DUSP15: variants seen among roughly 807,000 people sequenced by gnomAD.
DUSP15 encodes the protein dual specificity protein phosphatase 15.
In DUSP15, 23 loss-of-function variants were observed where a neutral mutation model predicts 26.3. The observed-to-expected ratio is 0.87, with a 90% CI of 0.63 to 1.24. The LOEUF (loss-of-function observed/expected upper bound fraction) is 1.24, where lower values mean the gene tolerates loss of function less well. DUSP15 is among the 50% of genes most tolerant of loss of function. The pLI is 0.00. For synonymous variants in DUSP15, 143 were observed against 135.5 expected, an observed-to-expected ratio of 1.06 and a Z score of -0.39; for missense variants, 364 against 320.6, an observed-to-expected ratio of 1.14 and a Z score of -1.03.
intron 4 of DUSP15, 60 bp from the exon 5 acceptor site, chr20:31,864,041 C>A: frequency 1.2e-6 from 2 of 1,605,302 alleles, no homozygotes; most frequent in Admixed American, 1.7e-5. Context: ...GGAGTTGTTC[C>A]GCCCCCACCC....
rs1005201349 is a variant in DUSP15, at chr20:31,862,542, C to T, written c.435+29G>A. The T allele has an allele frequency of 5.1e-6, 8 of 1,561,232 alleles. No individual in the cohort carries two copies. In the Admixed American group the frequency reaches 1.5e-4, roughly 29 times the overall value. ...GGGAAGAAGGATCTCCCACCCCTGG[C>T]CCAACCCAGCCCTTGACCCCATCCC... On this transcript the variant is annotated intron_variant, in intron 6 of 6. Coordinates refer to ENST00000339738, the MANE Select transcript of DUSP15 (RefSeq NM_080611.5).
rs755633909 is a variant in DUSP15 at position 31,861,504 on chromosome 20, GCGGCACCAGGCGCTGCA to G, written c.590_606del (p.Val197AlafsTer108). Reference sequence around the variant, plus strand: ...GGCCGGTGGGCTTCCCGGGGCGTGCGCGGCACCAGGCGCTGCACGGTTCCCTCGGAGGCTGCTGAGTG... The same window carrying G: ...GGCCGGTGGGCTTCCCGGGGCGTGCGCGGTTCCCTCGGAGGCTGCTGAGTG... On this transcript the variant is annotated frameshift_variant, in exon 7 of 7. Transcript: ENST00000339738. LOFTEE classifies it high-confidence loss of function. The G allele has an allele frequency of 1.4e-4, 212 of 1,528,918 alleles. No homozygotes were observed. The East Asian group carries it at 5.2e-3, about 38-fold the overall frequency. 94.7% of individuals were successfully genotyped at this position (1,528,918 alleles called of 1,614,324 possible).
rs2062723807 is a variant in DUSP15, at chr20:31,864,365, G to T, written c.189-384C>A. ...TGGGCACAATGATGGGCAGCAGCAG[G>T]CTGGGAGCAAGATTCCCAAGGGGCA... On this transcript the variant is annotated intron_variant, in intron 4 of 6. Transcript: ENST00000339738. 8 of 1,057,054 alleles carry T rather than the reference G, an allele frequency of 7.6e-6. No individual in the cohort carries two copies. The South Asian group carries it at 2.7e-4, about 36-fold the overall frequency. The allele number at this position is 1,057,054 out of a possible 1,614,324, so 65.5% of individuals were successfully genotyped here. A position where few individuals can be genotyped will look rare whatever the true frequency, so the allele number is the denominator to read the frequency against.
downstream of DUSP15, among the ~76,000 whole-genome samples, chr20:31,845,820 C>T (rs1376524680): frequency 2.0e-5 from 3 of 152,054 alleles, no homozygotes; most frequent in Non-Finnish European, 4.4e-5. Context: ...ACCCTCAGCC[C>T]ACGTGTGCTG....
In DUSP15 at chr20:31,861,601, C is replaced by G. The variant is rs773098660; in HGVS notation, c.510G>C (p.Pro170=). The change falls in exon 7 of 7, where the codon CCG becomes CCC. Residue 170 remains proline, a synonymous_variant. Transcript: ENST00000339738. ...RDEEELRALL[P]LCKRCRQGSA... ...AGCCCTGCCGGCAGCGCTTGCACAG[C>G]GGCAGCAGCGCGCGCAACTCCTCCT... 3.4e-6 allele frequency: 5 copies of G among 1,476,030 alleles called. No individual in the cohort carries two copies. The highest frequency in any genetic ancestry group is 3.6e-6 in the Non-Finnish European group (4 of 1,119,418). 91.4% of individuals were successfully genotyped at this position (1,476,030 alleles called of 1,614,324 possible).
downstream of DUSP15, among the ~76,000 whole-genome samples, chr20:31,847,398 A>C (rs1488253673): frequency 6.6e-6 from 1 of 152,224 alleles, no homozygotes; most frequent in African/African-American, 2.4e-5. Flanking sequence ...CTGTACCCCC[A>C]GAGTCACACA....
In DUSP15 at chr20:31,870,388, C is replaced by A; in HGVS notation, c.-51G>T. On this transcript the variant is annotated 5_prime_UTR_variant, in exon 1 of 7. Transcript: ENST00000339738. This position sits in a 1 kb window ranked among gnomAD's most constrained non-coding sequence, Gnocchi z 6.6. ...CACCCCCAGCTCGCCGCCCGGGAAGCGATCCGGTCACAGCTGCCCTGACGG... is the reference window on the plus strand; with the variant it reads ...CACCCCCAGCTCGCCGCCCGGGAAGAGATCCGGTCACAGCTGCCCTGACGG... 7.8e-7 allele frequency: 1 copy of A among 1,279,492 alleles called. No individual in the cohort carries two copies. The highest frequency in any genetic ancestry group is 3.2e-5 in the Admixed American group (1 of 31,220). 79.3% of individuals were successfully genotyped at this position (1,279,492 alleles called of 1,614,324 possible). A position where few individuals can be genotyped will look rare whatever the true frequency, so the allele number is the denominator to read the frequency against.
At chr20:31,856,911 G>C (rs2062570517), downstream of DUSP15, among the ~76,000 whole-genome samples, 1 of 152,060 alleles carries the variant, frequency 6.6e-6, no homozygotes, top group Non-Finnish European at 1.5e-5. Flanking sequence ...CAGAGATTCT[G>C]GAAGCCAGAT....
At chr20:31,868,208 T>C (rs1392881359) in intron 2 of DUSP15, among the ~76,000 whole-genome samples, 1 of 152,220 alleles carries the variant, frequency 6.6e-6, no homozygotes, top group African/African-American at 2.4e-5. Flanking sequence ...TGGGGCCAGC[T>C]TCGTGGCTCC....
chr20:31,859,437 T>C (rs1295354691), downstream of DUSP15, among the ~76,000 whole-genome samples: 1 of 152,214 alleles, frequency 6.6e-6, no homozygotes, highest in African/African-American at 2.4e-5. Context: ...CCCCACTCCC[T>C]GCACCTTTGC....
intron 7 of DUSP15, chr20:31,850,505 G>T: frequency 8.5e-7 from 1 of 1,177,228 alleles, no homozygotes; most frequent in Non-Finnish European, 1.2e-6. Context: ...ATTATTGGGA[G>T]CCTGGGCTGG....
At chr20:31,851,630 G>A (rs1248866463) in intron 6 of DUSP15, among the ~76,000 whole-genome samples, 2 of 152,118 alleles carry the variant, frequency 1.3e-5, no homozygotes, top group East Asian at 1.9e-4. Flanking sequence ...CAGGGCTGGA[G>A]CTGGTGCTCT....
At chr20:31,868,709 A>G (rs1338321400) in intron 2 of DUSP15, among the ~76,000 whole-genome samples, 1 of 151,308 alleles carries the variant, frequency 6.6e-6, no homozygotes, top group Non-Finnish European at 1.5e-5. Context: ...CGAACTCCTG[A>G]CCTCAGGTGG....
chr20:31,847,527 T>C (rs1246316347), downstream of DUSP15: 2 of 152,282 alleles, frequency 1.3e-5, no homozygotes, highest in East Asian at 1.9e-4. Flanking sequence ...TTTCCCCCCA[T>C]GAAGGTGGCT....
chr20:31,870,203 C>G lies in DUSP15; in HGVS notation c.21+114G>C. On this transcript the variant is annotated intron_variant, in intron 1 of 6. Transcript: ENST00000339738. The surrounding 1 kb of genome is among the most constrained non-coding windows in gnomAD (Gnocchi z 6.6). ...AGTCACAGGGACACGGAGATGCCGC[C>G]GCACGGAGACCGGCGAGAACAGAAG... 1.6e-6 allele frequency: 2 copies of G among 1,225,418 alleles called. No individual in the cohort carries two copies. The highest frequency in any genetic ancestry group is 2.0e-6 in the Non-Finnish European group (2 of 983,638). 75.9% of individuals were successfully genotyped at this position (1,225,418 alleles called of 1,614,324 possible).
chr20:31,850,850 G>C (rs2062456939), intron 6 of DUSP15, among the ~76,000 whole-genome samples: 2 of 152,276 alleles, frequency 1.3e-5, no homozygotes, highest in South Asian at 4.1e-4. Context: ...GGGCCAGCCT[G>C]TGGGGCCACT....
downstream of DUSP15, among the ~76,000 whole-genome samples, chr20:31,858,591 C>T (rs1200353845): frequency 6.6e-6 from 1 of 152,208 alleles, no homozygotes; most frequent in Non-Finnish European, 1.5e-5. This position sits in a 1 kb window ranked among gnomAD's most constrained non-coding sequence, Gnocchi z 4.4. Flanking sequence ...CGCTGTGAGA[C>T]ACAAGACCCA....
intron 5 of DUSP15, among the ~76,000 whole-genome samples, chr20:31,863,192 G>A (rs2062698539): frequency 1.3e-5 from 2 of 152,264 alleles, no homozygotes; most frequent in South Asian, 4.1e-4. Context: ...TATAGGTGGG[G>A]TGGGGTTAGG....
chr20:31,861,787 C>T, intron 6 of DUSP15, 112 bp from the exon 7 acceptor site: 2 of 846,456 alleles, frequency 2.4e-6, no homozygotes, highest in South Asian at 2.3e-5. Flanking sequence ...CGTCCCACAC[C>T]TCGCTGAGCC....
Sources: allele counts gnomAD v4.1 joint callset (sites outside exome capture counted in the v4.1 genomes callset), GRCh38; gene constraint gnomAD v4.1.1; non-coding constraint Gnocchi (gnomAD v3.1); transcripts MANE v1.5; gene names NCBI Gene and HGNC (gene_info 2026-07-23, HGNC 2026-07-21).